The following SIGIRR variants were observed in gnomAD, a reference collection of about 807,000 sequenced individuals.
The protein encoded by SIGIRR is single Ig and TIR domain containing, also known as single Ig IL-1-related receptor.
In SIGIRR, 41 loss-of-function variants were observed where a neutral mutation model predicts 45.6. The ratio of observed to expected loss-of-function variants is 0.90; its 90% CI spans 0.70 to 1.17. SIGIRR has a LOEUF of 1.17. Among genes scored for constraint, SIGIRR ranks in the 50% most tolerant of loss-of-function variants. SIGIRR has a pLI of 0.00. For missense variants in SIGIRR, 599 were observed against 539.6 expected, an observed-to-expected ratio of 1.11 and a Z score of -1.09; for synonymous variants, 298 against 239.0, an observed-to-expected ratio of 1.25 and a Z score of -2.28.
chr11:406,170 G>A lies in SIGIRR; in HGVS notation c.1070-111C>T, dbSNP rs556698412. On this transcript the variant is annotated intron_variant, in intron 9 of 9. Coordinates refer to ENST00000431843, the MANE Select transcript of SIGIRR (RefSeq NM_001135054.2). ...CTGCTGTGATGGCCTGTGAGGCCCA[G>A]GAAGTTCCCAGGCAGACCGAGGGCC... The A allele has an allele frequency of 3.4e-5, 52 of 1,537,814 alleles. No homozygotes were observed. The Middle Eastern group carries it at 1.2e-3, about 35-fold the overall frequency.
At position 406,885 on chromosome 11, in the gene SIGIRR, G is replaced by A; in HGVS notation, c.837C>T (p.His279=). ...AHPALRLLRQ[H]RHLVTLLLWR... ...AGAGCAGCAAGGTCACCAGGTGGCG[G>A]TGCTGGCGCAGCAGGCGGAGCGCCG... is the stretch of plus-strand genomic sequence containing the variant. Residue 279 remains histidine, a synonymous_variant, in exon 8 of 10, where the codon CAC becomes CAT. Transcript: ENST00000431843. The A allele has an allele frequency of 6.3e-7, 1 of 1,584,082 alleles. No homozygotes were observed. The highest frequency in any genetic ancestry group is 8.5e-7 in the Non-Finnish European group (1 of 1,171,130).
chr11:408,039 C>T (rs1365247767), intron 4 of SIGIRR, 34 bp downstream of exon 4: 2 of 1,611,516 alleles, frequency 1.2e-6, no homozygotes, highest in Middle Eastern at 1.6e-4. Flanking sequence ...GTCTAGGTCC[C>T]CTTCTACCCT....
chr11:414,607 A>T (rs1847827928), intron 1 of SIGIRR, among the ~76,000 whole-genome samples: 1 of 152,058 alleles, frequency 6.6e-6, no homozygotes, highest in Admixed American at 6.5e-5. Flanking sequence ...ACCCATTGCA[A>T]CGCTTGTCAC....
chr11:413,595 G>A (rs1399267044), intron 1 of SIGIRR, among the ~76,000 whole-genome samples: 2 of 151,824 alleles, frequency 1.3e-5, no homozygotes, highest in African/African-American at 4.9e-5. Context: ...GCCAGGATAC[G>A]AGCACAGCAA....
chr11:417,012 C>A (rs561274437), upstream of SIGIRR, among the ~76,000 whole-genome samples: 1 of 152,204 alleles, frequency 6.6e-6, no homozygotes, highest in African/African-American at 2.4e-5. This position sits in a 1 kb window ranked among gnomAD's most constrained non-coding sequence, Gnocchi z 4.2. Context: ...CCCTGCGCGC[C>A]TCGGCGCTCC....
chr11:412,869 C>T (rs1007446980), intron 1 of SIGIRR, among the ~76,000 whole-genome samples: 13 of 152,126 alleles, frequency 8.5e-5, no homozygotes, highest in South Asian at 2.1e-4. Flanking sequence ...GGGTGAACAG[C>T]GCCCGGTGGG....
chr11:409,876 G>C lies in SIGIRR; in HGVS notation c.-2C>G. The C allele has an allele frequency of 7.5e-7, 1 of 1,326,426 alleles. No individual in the cohort carries two copies. The highest frequency in any genetic ancestry group is 9.7e-7 in the Non-Finnish European group (1 of 1,031,420). The allele number at this position is 1,326,426 out of a possible 1,614,324, so 82.2% of individuals were successfully genotyped here. ...CTCTCTGACCTGCCTACCTGGCATG[G>C]CTCTGAGCCGGGGCCTCCTCGGGGC... On this transcript the variant is annotated 5_prime_UTR_variant, in exon 2 of 10. Transcript: ENST00000431843.
At chr11:407,312 G>A (rs1324619520) in intron 6 of SIGIRR, 113 bp downstream of exon 6, 471 of 843,102 alleles carry the variant, frequency 5.6e-4, no homozygotes, top group Non-Finnish European at 6.5e-5. Flanking sequence ...TCGGGTGGGC[G>A]GGGATGGGGG....
chr11:414,092 T>C (rs1164320736), intron 1 of SIGIRR, among the ~76,000 whole-genome samples: 1 of 31,658 alleles, frequency 3.2e-5, no homozygotes, highest in Non-Finnish European at 5.9e-5. Flanking sequence ...TCCCCACCTT[T>C]CCCTGCACAC....
Position 407,126 on chromosome 11 carries a change from G to A in SIGIRR, c.664C>T (p.Arg222Ter), listed in dbSNP as rs766310574. The A allele has an allele frequency of 3.2e-6, 5 of 1,562,242 alleles. No homozygotes were observed. The highest frequency in any genetic ancestry group is 1.9e-4 in the Middle Eastern group (1 of 5,364). The change falls in exon 7 of 10, where the codon CGA becomes TGA. Residue 222 changes from arginine (R) to a stop codon, truncating the protein, a stop_gained. Coordinates refer to ENST00000431843, the MANE Select transcript of SIGIRR (RefSeq NM_001135054.2). LOFTEE classifies it high-confidence loss of function. ...TCCGAAAGCACCACGATGAGGCGTC[G>A]GCAGCGGCTCAGGTTCACCAAGAGG... is the stretch of plus-strand genomic sequence containing the variant. ...ADLLVNLSRC[R>*]RLIVVLSDAF... is the part of the protein sequence containing the mutation.
At chr11:415,586 G>A (rs935428269), upstream of SIGIRR, among the ~76,000 whole-genome samples, 7 of 152,108 alleles carry the variant, frequency 4.6e-5, no homozygotes, top group African/African-American at 1.7e-4. The surrounding 1 kb of genome is among the most constrained non-coding windows in gnomAD (Gnocchi z 6.6). Flanking sequence ...GAACTCTTCC[G>A]CCCTCTCCCC....
At chr11:416,252 G>A (rs1456126591), upstream of SIGIRR, among the ~76,000 whole-genome samples, 1 of 152,094 alleles carries the variant, frequency 6.6e-6, no homozygotes, top group Non-Finnish European at 1.5e-5. This position sits in a 1 kb window ranked among gnomAD's most constrained non-coding sequence, Gnocchi z 9.1. Flanking sequence ...GGGGTCAGCC[G>A]CCAACTGTGA....
At chr11:407,782 C>A in intron 5 of SIGIRR, 35 bp downstream of exon 5, 1 of 1,610,406 alleles carries the variant, frequency 6.2e-7, no homozygotes, top group South Asian at 1.1e-5. Flanking sequence ...GAGGCCGTGG[C>A]GACCCCTCCT....
intron 8 of SIGIRR, 152 bp downstream of exon 8, chr11:406,691 T>A: frequency 7.1e-7 from 1 of 1,406,578 alleles, no homozygotes; most frequent in Non-Finnish European, 9.3e-7. Flanking sequence ...GCTCCCCGCA[T>A]CGGGGCCCCA....
intron 1 of SIGIRR, among the ~76,000 whole-genome samples, chr11:413,943 C>G (rs114162375): frequency 0.013 from 1,734 of 129,816 alleles, 71 homozygotes; most frequent in African/African-American, 0.049. Flanking sequence ...CACCTTCTCT[C>G]CTCCCTACCT....
At chr11:409,528 G>A (rs1193156230) in intron 2 of SIGIRR, 3 of 377,552 alleles carry the variant, frequency 7.9e-6, no homozygotes, top group South Asian at 8.2e-5. Flanking sequence ...CTAGCGGGAG[G>A]TCAAACCACC....
intron 9 of SIGIRR, 113 bp downstream of exon 9, chr11:406,236 C>G (rs1298692005): frequency 6.5e-7 from 1 of 1,542,240 alleles, no homozygotes; most frequent in Admixed American, 2.0e-5. Context: ...GCTCCCGGTG[C>G]CGGGAAGAGT....
chr11:408,320 C>G, intron 3 of SIGIRR, 114 bp from the exon 4 acceptor site: 1 of 1,412,090 alleles, frequency 7.1e-7, no homozygotes, highest in Non-Finnish European at 9.5e-7. Flanking sequence ...CTGGGTGGTT[C>G]TTGGGCCTTA....
intron 6 of SIGIRR, 59 bp downstream of exon 6, chr11:407,366 T>TGGGACGGGGC: frequency 8.2e-7 from 1 of 1,221,346 alleles, no homozygotes; most frequent in South Asian, 1.5e-5. Context: ...GGACGGAGCA[T>TGGGACGGGGC]GGGGCGGGGC....
Sources: allele counts gnomAD v4.1 joint callset (sites outside exome capture counted in the v4.1 genomes callset), GRCh38; gene constraint gnomAD v4.1.1; non-coding constraint Gnocchi (gnomAD v3.1); transcripts MANE v1.5; gene names NCBI Gene and HGNC (gene_info 2026-07-23, HGNC 2026-07-21).